Variants in BOLA3 observed in about 807,000 individuals in gnomAD.
BOLA3 encodes the protein bolA family member 3.
In BOLA3, 8 loss-of-function variants were observed where a neutral mutation model predicts 14.5. The ratio of observed to expected loss-of-function variants is 0.55; its 90% CI spans 0.32 to 0.99. The LOEUF (loss-of-function observed/expected upper bound fraction) is 0.99. Ranked by LOEUF, BOLA3 falls within the 50% of genes least tolerant of loss-of-function variation. The pLI, the probability that BOLA3 is intolerant of heterozygous loss-of-function variation, is 0.04. For synonymous variants in BOLA3, 42 were observed against 45.7 expected (o/e 0.92, Z 0.33); for missense variants, 115 against 138.2 (o/e 0.83, Z 0.84).
intron 3 of BOLA3, among the ~76,000 whole-genome samples, chr2:74,135,926 CTGT>C (rs1692316743): frequency 6.7e-6 from 1 of 150,290 alleles, no homozygotes; most frequent in Admixed American, 6.7e-5. Flanking sequence ...CCCAAAAGAA[CTGT>C]TGTTAGTTTC....
chr2:74,142,576 C>T (rs1376313142), intron 2 of BOLA3, among the ~76,000 whole-genome samples: 5 of 152,064 alleles, frequency 3.3e-5, no homozygotes, highest in Admixed American at 6.6e-5. Flanking sequence ...CTTCCTTTTG[C>T]GAGGCAGCTG....
Position 74,135,677 on chromosome 2 carries a change from T to A in BOLA3, c.259-19A>T, listed in dbSNP as rs2103634288. The A allele has an allele frequency of 6.4e-7, 1 of 1,556,570 alleles. No homozygotes were observed. The highest frequency in any genetic ancestry group is 8.9e-7 in the Non-Finnish European group (1 of 1,127,644). On this transcript the variant is annotated intron_variant, in intron 3 of 3. Transcript: ENST00000327428. ...TTAGTGCCTAAGTAAGAAAACAGCATCATCAGTTTTTGTGTATTTGACGTT... is the reference window on the plus strand; with the variant it reads ...TTAGTGCCTAAGTAAGAAAACAGCAACATCAGTTTTTGTGTATTTGACGTT...
In BOLA3 at chr2:74,147,876, C is replaced by A. The variant is rs750775213; in HGVS notation, c.-2G>T. On this transcript the variant is annotated 5_prime_UTR_variant, in exon 1 of 4. Coordinates refer to ENST00000327428, the MANE Select transcript of BOLA3 (RefSeq NM_212552.3). The stretch of plus-strand genomic sequence containing the variant: ...CGCGGCCGGGCTCCATGCAGCCATG[C>A]CCGGCCGACGTGACCCGCCGCCCGA... The A allele has an allele frequency of 8.6e-6, 13 of 1,517,708 alleles. No homozygotes were observed. The highest frequency in any genetic ancestry group is 1.1e-5 in the Non-Finnish European group (13 of 1,140,266). 94.0% of individuals were successfully genotyped at this position (1,517,708 alleles called of 1,614,324 possible).
Position 74,141,366 on chromosome 2 carries a change from A to C in BOLA3, c.258+906T>G, listed in dbSNP as rs146967543. Among the ~76,000 whole-genome samples, 266 of 152,212 alleles carry C rather than the reference A, an allele frequency of 1.7e-3. 4 individuals carry two copies. The highest frequency in any genetic ancestry group is 6.1e-3 in the African/African-American group (252 of 41,524). ...ACAAGACGGAAAACACCGACAGCCA[A>C]AAAAGGGGGCCGGGGAGGGTGGGGG... On this transcript the variant is annotated intron_variant, in intron 3 of 3. Coordinates refer to ENST00000327428, the MANE Select transcript of BOLA3 (RefSeq NM_212552.3).
chr2:74,144,561 T>G (rs1159741787), intron 2 of BOLA3, among the ~76,000 whole-genome samples: 3 of 152,218 alleles, frequency 2.0e-5, no homozygotes, highest in Non-Finnish European at 4.4e-5. Flanking sequence ...TTCCCCATCC[T>G]GTGGATGCAG....
At chr2:74,144,005 A>ATT (rs3045553) in intron 2 of BOLA3, among the ~76,000 whole-genome samples, 2,679 of 115,566 alleles carry the variant, frequency 0.023, 114 homozygotes, top group African/African-American at 0.087. Flanking sequence ...GCCCCAGCAG[A>ATT]TTTTTTTTTT....
chr2:74,139,333 C>G (rs540311542), intron 3 of BOLA3, among the ~76,000 whole-genome samples: 1 of 152,220 alleles, frequency 6.6e-6, no homozygotes, highest in South Asian at 2.1e-4. Context: ...TTCACCCCGT[C>G]AGGACACCAG....
chr2:74,139,393 C>A (rs1055373090), intron 3 of BOLA3, among the ~76,000 whole-genome samples: 12 of 151,706 alleles, frequency 7.9e-5, no homozygotes, highest in Admixed American at 5.9e-4. Flanking sequence ...GGGGCACCTA[C>A]CCCACCCCCA....
At chr2:74,145,449 C>T in intron 1 of BOLA3, 146 bp from the exon 2 acceptor site, 1 of 692,886 alleles carries the variant, frequency 1.4e-6, no homozygotes. Flanking sequence ...GTCAGAGGGG[C>T]TCTGTGGTAT....
At chr2:74,141,629 G>T (rs571694077) in intron 3 of BOLA3, among the ~76,000 whole-genome samples, 1 of 152,106 alleles carries the variant, frequency 6.6e-6, no homozygotes, top group Non-Finnish European at 1.5e-5. Context: ...CCGAAGAGAC[G>T]CTCATTACCA....
chr2:74,144,202 T>G (rs1464426866), intron 2 of BOLA3, among the ~76,000 whole-genome samples: 1 of 145,814 alleles, frequency 6.9e-6, no homozygotes, highest in African/African-American at 2.6e-5. Context: ...GACGGGGGGG[T>G]TTCACCATGT....
intron 3 of BOLA3, among the ~76,000 whole-genome samples, chr2:74,141,329 C>T (rs1372122277): frequency 2.1e-5 from 3 of 145,644 alleles, no homozygotes; most frequent in South Asian, 4.7e-4. Context: ...CAGAGATGTC[C>T]GTTTTCAGGA....
intron 2 of BOLA3, among the ~76,000 whole-genome samples, chr2:74,143,192 G>A (rs1692479010): frequency 6.6e-6 from 1 of 151,240 alleles, no homozygotes; most frequent in African/African-American, 2.4e-5. Flanking sequence ...GTCTCGCTCT[G>A]TCGCCCAGGC....
intron 3 of BOLA3, among the ~76,000 whole-genome samples, chr2:74,136,349 T>C (rs2103636971): frequency 6.6e-6 from 1 of 152,350 alleles, no homozygotes; most frequent in South Asian, 2.1e-4. Flanking sequence ...CGCAAATGGT[T>C]AAAATTTCAA....
At chr2:74,140,240 C>G (rs1264212591) in intron 3 of BOLA3, among the ~76,000 whole-genome samples, 1 of 151,994 alleles carries the variant, frequency 6.6e-6, no homozygotes, top group Non-Finnish European at 1.5e-5. Flanking sequence ...GCCGAGATAG[C>G]GCCACTGCAC....
intron 2 of BOLA3, 46 bp from the exon 3 acceptor site, chr2:74,142,406 C>A: frequency 7.1e-7 from 1 of 1,408,638 alleles, no homozygotes; most frequent in Non-Finnish European, 1.0e-6. Context: ...TAAGTCATGG[C>A]AGCCATGGTC....
At chr2:74,144,593 C>T (rs548866992) in intron 2 of BOLA3, among the ~76,000 whole-genome samples, 33 of 152,334 alleles carry the variant, frequency 2.2e-4, no homozygotes, top group Non-Finnish European at 2.9e-5. Flanking sequence ...CCAGCCTGCT[C>T]CTAACACACT....
At position 74,142,427 on chromosome 2, in the gene BOLA3, T is replaced by C. The variant is rs934613280; in HGVS notation, c.170-67A>G. On this transcript the variant is annotated intron_variant, in intron 2 of 3. Transcript: ENST00000327428. The stretch of plus-strand genomic sequence containing the variant: ...ATGGCAGCCATGGTCCCATATATCC[T>C]TGAAGTACTGTACAATCCAAAGGTC... The C allele has an allele frequency of 5.1e-6, 6 of 1,182,740 alleles. No individual in the cohort carries two copies. The Admixed American group carries it at 6.7e-5, about 13-fold the overall frequency. 73.3% of individuals were successfully genotyped at this position (1,182,740 alleles called of 1,614,324 possible). A position where few individuals can be genotyped will look rare whatever the true frequency, so the allele number is the denominator to read the frequency against.
At chr2:74,144,200 G>GA (rs397815465) in intron 2 of BOLA3, among the ~76,000 whole-genome samples, 1 of 149,828 alleles carries the variant, frequency 6.7e-6, no homozygotes, top group East Asian at 2.0e-4. Flanking sequence ...GAGACGGGGG[G>GA]GTTTCACCAT....
Sources: allele counts gnomAD v4.1 joint callset (sites outside exome capture counted in the v4.1 genomes callset), GRCh38; gene constraint gnomAD v4.1.1; transcripts MANE v1.5; gene names NCBI Gene and HGNC (gene_info 2026-07-23, HGNC 2026-07-21).